The following BRD8 variants were observed in gnomAD, a reference collection of about 807,000 sequenced individuals.
The protein encoded by BRD8 is bromodomain-containing protein 8.
BRD8 carries 67 observed loss-of-function variants against 143.1 expected under a neutral mutation model. The observed-to-expected ratio is 0.47, with a 90% confidence interval of 0.38 to 0.57. The LOEUF is 0.57. Among genes scored for constraint, BRD8 ranks in the 20% least tolerant of loss-of-function variants. The probability of loss-of-function intolerance (pLI) is 0.00; values close to 1 mark genes in which losing one functional copy is unlikely to be tolerated. For missense variants in BRD8, 1,103 were observed against 1,503.0 expected (o/e 0.73, Z 4.40); for synonymous variants, 505 against 517.1 (o/e 0.98, Z 0.32).
At chr5:138,140,187 T>C in intron 26 of BRD8, 21 bp from the exon 27 acceptor site, 3 of 1,545,322 alleles carry the variant, frequency 1.9e-6, no homozygotes, top group South Asian at 1.1e-5. Context: ...AAGGAACACA[T>C]AGCAAGCTAT....
Position 138,150,883 on chromosome 5 carries a change from G to A in BRD8, c.2982C>T (p.Cys994=). ...IKASEGEREL[C]RETEELSAKG... is the part of the protein sequence containing the mutation. ...TAGCTGAAAGCTCTTCAGTCTCTCT[G>A]CAGAGCTCCCTTTCTCCTTCGCTAG... is the stretch of plus-strand genomic sequence containing the variant. The change falls in exon 22 of 27, where the codon TGC becomes TGT. Residue 994 remains cysteine (C), a synonymous_variant. Transcript: ENST00000254900. 1 of 1,614,170 alleles carries A rather than the reference G, an allele frequency of 6.2e-7. No individual in the cohort carries two copies. The highest frequency in any genetic ancestry group is 2.2e-5 in the East Asian group (1 of 44,882).
chr5:138,175,410 A>T (rs923123509), intron 2 of BRD8, among the ~76,000 whole-genome samples: 9 of 152,162 alleles, frequency 5.9e-5, no homozygotes, highest in Non-Finnish European at 7.3e-5. Flanking sequence ...GCTGATACCG[A>T]GAAAGGTAAA....
At chr5:138,154,931 G>GCACTTCT (rs1467076346) in intron 20 of BRD8, among the ~76,000 whole-genome samples, 1 of 150,596 alleles carries the variant, frequency 6.6e-6, no homozygotes, top group Non-Finnish European at 1.5e-5. Context: ...CCAGGCTCAA[G>GCACTTCT]CACTTCTCCT....
At chr5:138,144,232 C>G (rs1752043538) in intron 25 of BRD8, among the ~76,000 whole-genome samples, 1 of 152,104 alleles carries the variant, frequency 6.6e-6, no homozygotes. Context: ...GAGGCGCCAC[C>G]TTTAAGAGCT....
chr5:138,170,448 G>A, intron 6 of BRD8, 39 bp from the exon 7 acceptor site: 2 of 1,611,952 alleles, frequency 1.2e-6, no homozygotes, highest in South Asian at 1.1e-5. Context: ...AGACAGCTCT[G>A]GCTCCTCCCC....
chr5:138,168,003 G>A lies in BRD8; in HGVS notation c.718C>T (p.Leu240Phe). 1.2e-6 allele frequency: 2 copies of A among 1,613,192 alleles called. No individual in the cohort carries two copies. The highest frequency in any genetic ancestry group is 8.5e-7 in the Non-Finnish European group (1 of 1,179,124). The change falls in exon 9 of 27, where the codon CTT (leucine) becomes TTT (phenylalanine). Residue 240 changes from leucine to phenylalanine, a missense_variant. Around this residue, in one of 7 missense-constraint regions of BRD8, gnomAD observed 334 missense variants for 372.5 expected, o/e 0.90. Coordinates refer to ENST00000254900, the MANE Select transcript of BRD8 (RefSeq NM_139199.2). Reference sequence around the variant, plus strand: ...ATCTCCCCACCATGTATCATGGGAAGGACCCCGCCTACCTCCAGGAGGACA... The same window carrying A: ...ATCTCCCCACCATGTATCATGGGAAAGACCCCGCCTACCTCCAGGAGGACA... ...TGVLLEVGGVLPMIHGGEIQQ... is the reference protein window; with the variant it reads ...TGVLLEVGGVFPMIHGGEIQQ...
At chr5:138,156,376 G>C (rs564986270) in intron 20 of BRD8, among the ~76,000 whole-genome samples, 5 of 152,218 alleles carry the variant, frequency 3.3e-5, no homozygotes, top group South Asian at 4.1e-4. Context: ...CTGACCTCGT[G>C]ATCTGCCAGC....
chr5:138,171,126 T>C lies in BRD8; in HGVS notation c.271A>G (p.Thr91Ala), dbSNP rs1171466782. The C allele has an allele frequency of 6.2e-7, 1 of 1,613,568 alleles. No individual in the cohort carries two copies. Among genetic ancestry groups the C allele is most frequent in the Admixed American group, 1.7e-5 (1 of 59,946 alleles). Reference protein sequence around the residue: ...KRGEKGEVVETVEDVIVRKLT... With the variant: ...KRGEKGEVVEAVEDVIVRKLT... The stretch of plus-strand genomic sequence containing the variant: ...TTCCGAACAATAACATCTTCAACAG[T>C]TTCCACCACTTCTCCCTTTTCACCT... Residue 91 changes from threonine (T) to alanine (A), a missense_variant, in exon 5 of 27, where the codon ACT becomes GCT. Transcript: ENST00000254900.
chr5:138,164,212 T>A, intron 13 of BRD8, 79 bp from the exon 14 acceptor site: 1 of 1,580,370 alleles, frequency 6.3e-7, no homozygotes, highest in South Asian at 1.1e-5. Flanking sequence ...CCCCTGCAGC[T>A]CTCCTTTACA....
In BRD8 at chr5:138,164,367, A is replaced by T; in HGVS notation, c.1778T>A (p.Ile593Asn). 1 of 1,614,128 alleles carries T rather than the reference A, an allele frequency of 6.2e-7. No homozygotes were observed. The highest frequency in any genetic ancestry group is 8.5e-7 in the Non-Finnish European group (1 of 1,179,998). ...MLSPSHGSNP[I>N]EDPLEAETQH... ...AGTCTCTGCCTCTAAAGGATCTTCA[A>T]TGGGATTTGAGCCATGTGATGGAGA... Residue 593 changes from isoleucine to asparagine, a missense_variant, in exon 13 of 27, where the codon ATT becomes AAT. Physicochemically the swap from Ile to Asn is moderately radical, Grantham distance 149. Around this residue, in one of 7 missense-constraint regions of BRD8, gnomAD observed 139 missense variants for 139.0 expected, o/e 1.00. Coordinates refer to ENST00000254900, the MANE Select transcript of BRD8 (RefSeq NM_139199.2).
At position 138,167,920 on chromosome 5, in the gene BRD8, A is replaced by G; in HGVS notation, c.787+14T>C. On this transcript the variant is annotated intron_variant, in intron 9 of 26. Coordinates refer to ENST00000254900, the MANE Select transcript of BRD8 (RefSeq NM_139199.2). ...AACACCTTTGAGGTTGATAAAGGAA[A>G]AGTGGTAACTTACCTGATGCAGCAG... is the stretch of plus-strand genomic sequence containing the variant. 1 of 1,612,424 alleles carries G rather than the reference A, an allele frequency of 6.2e-7. No individual in the cohort carries two copies. Among genetic ancestry groups the G allele is most frequent in the African/African-American group, 1.3e-5 (1 of 75,014 alleles).
chr5:138,174,983 G>T (rs1301954237), intron 2 of BRD8, among the ~76,000 whole-genome samples: 6 of 150,734 alleles, frequency 4.0e-5, no homozygotes, highest in African/African-American at 1.5e-4. Flanking sequence ...CCCGCCTCCT[G>T]GGTTCACACC....
In BRD8 at chr5:138,152,707, AGAGTCATTGGGAT is replaced by A; in HGVS notation, c.2618_2630del (p.His873LeufsTer3). On this transcript the variant is annotated frameshift_variant, in exon 21 of 27. Coordinates refer to ENST00000254900, the MANE Select transcript of BRD8 (RefSeq NM_139199.2). LOFTEE classifies it high-confidence loss of function. ...GGGACCTGCAGTCATTGCTCAACTC[AGAGTCATTGGGAT>A]GATCTTGTTCAGAATCCAGCCAAAC... The A allele has an allele frequency of 6.2e-7, 1 of 1,614,198 alleles. No homozygotes were observed. The highest frequency in any genetic ancestry group is 8.5e-7 in the Non-Finnish European group (1 of 1,180,046).
At chr5:138,155,109 G>T (rs1752528701) in intron 20 of BRD8, among the ~76,000 whole-genome samples, 1 of 151,808 alleles carries the variant, frequency 6.6e-6, no homozygotes, top group Non-Finnish European at 1.5e-5. Context: ...GGGATTACAG[G>T]TGTGAGCCAC....
intron 23 of BRD8, 69 bp from the exon 24 acceptor site, chr5:138,145,947 GT>G: frequency 7.5e-7 from 1 of 1,333,926 alleles, no homozygotes; most frequent in Non-Finnish European, 1.1e-6. Context: ...CCCCAGGTGG[GT>G]AATGAGGTTT....
At chr5:138,177,783 T>TAGG in intron 1 of BRD8, 116 bp from the exon 2 acceptor site, 1 of 578,424 alleles carries the variant, frequency 1.7e-6, no homozygotes, top group South Asian at 2.4e-5. Context: ...CCCAACTTGT[T>TAGG]AGGACAAAGT....
In BRD8 at chr5:138,145,192, T is replaced by A; in HGVS notation, c.3422A>T (p.Lys1141Met). 1 of 1,613,858 alleles carries A rather than the reference T, an allele frequency of 6.2e-7. No homozygotes were observed. Among genetic ancestry groups the A allele is most frequent in the Non-Finnish European group, 8.5e-7 (1 of 1,179,940 alleles). The change falls in exon 25 of 27, where the codon AAG (lysine) becomes ATG (methionine). Residue 1141 changes from lysine (K) to methionine (M), a missense_variant. Lys to Met is a moderately conservative substitution (Grantham distance 95). Coordinates refer to ENST00000254900, the MANE Select transcript of BRD8 (RefSeq NM_139199.2). ...PVSERQAPGY[K>M]DVVKRPMDLT... ...TTTCACTGACCTTTTCACCACATCCTTGTACCCTGGGGCCTGCCTTTCTGA... is the reference window on the plus strand; with the variant it reads ...TTTCACTGACCTTTTCACCACATCCATGTACCCTGGGGCCTGCCTTTCTGA...
intron 20 of BRD8, among the ~76,000 whole-genome samples, chr5:138,159,339 T>G (rs1358471983): frequency 6.6e-6 from 1 of 150,922 alleles, no homozygotes; most frequent in African/African-American, 2.4e-5. Flanking sequence ...TTCAGCCCAG[T>G]GATCTCAAAA....
At position 138,140,839 on chromosome 5, in the gene BRD8, G is replaced by A. The variant is rs780263380; in HGVS notation, c.3481C>T (p.Arg1161Trp). The A allele has an allele frequency of 1.9e-6, 3 of 1,614,180 alleles. No individual in the cohort carries two copies. Among genetic ancestry groups the A allele is most frequent in the Middle Eastern group, 1.6e-4 (1 of 6,062 alleles). Residue 1161 changes from arginine (R) to tryptophan (W), a missense_variant, in exon 26 of 27, where the codon CGG (arginine) becomes TGG (tryptophan). By Grantham distance (101) the Arg-to-Trp change is moderately radical. Coordinates refer to ENST00000254900, the MANE Select transcript of BRD8 (RefSeq NM_139199.2). Reference sequence around the variant, plus strand: ...AGGAATTGGGCCATGGTGCGAATCCGACCCTTAGAGAGATTTCTCTTCAGG... The same window carrying A: ...AGGAATTGGGCCATGGTGCGAATCCAACCCTTAGAGAGATTTCTCTTCAGG... ...TSLKRNLSKGRIRTMAQFLRD... is the reference protein window; with the variant it reads ...TSLKRNLSKGWIRTMAQFLRD...
Sources: gnomAD v4.1 joint callset for allele counts (sites outside exome capture counted in the v4.1 genomes callset) on GRCh38, gnomAD v4.1.1 for gene constraint, gnomAD v4.1.1 regional missense constraint, MANE v1.5 for transcripts, NCBI Gene and HGNC (gene_info 2026-07-23, HGNC 2026-07-21) for gene names.